The following EFNA5 variants were observed in gnomAD, a reference collection of about 807,000 sequenced individuals.
EFNA5 encodes the protein ephrin-A5.
In EFNA5, 5 loss-of-function variants were observed where a neutral mutation model predicts 22.9. The ratio of observed to expected loss-of-function variants is 0.22; its 90% CI spans 0.11 to 0.46. The LOEUF is 0.46. EFNA5 is among the 20% of genes least tolerant of loss of function. The pLI, the probability that EFNA5 is intolerant of heterozygous loss-of-function variation, is 0.99. For synonymous variants in EFNA5, 113 were observed against 112.2 expected, an observed-to-expected ratio of 1.01 and a Z score of -0.04; for missense variants, 237 against 293.3, an observed-to-expected ratio of 0.81 and a Z score of 1.40.
chr5:107,433,012 T>C (rs1749003920), intron 1 of EFNA5, among the ~76,000 whole-genome samples: 2 of 152,242 alleles, frequency 1.3e-5, no homozygotes, highest in South Asian at 4.1e-4. Context: ...TGAGCTTACT[T>C]GATTATAAGA....
At chr5:107,540,233 C>T (rs1748017054) in intron 1 of EFNA5, among the ~76,000 whole-genome samples, 1 of 151,994 alleles carries the variant, frequency 6.6e-6, no homozygotes, top group South Asian at 2.1e-4. Flanking sequence ...TAATTATGCC[C>T]ATAACTAAAA....
chr5:107,487,554 G>T (rs1407529289), intron 1 of EFNA5, among the ~76,000 whole-genome samples: 1 of 152,234 alleles, frequency 6.6e-6, no homozygotes, highest in African/African-American at 2.4e-5. Context: ...CAGAGTAGAG[G>T]TTTGTTGGAT....
At chr5:107,524,966 A>T (rs1351329318) in intron 1 of EFNA5, among the ~76,000 whole-genome samples, 1 of 152,230 alleles carries the variant, frequency 6.6e-6, no homozygotes, top group Non-Finnish European at 1.5e-5. Context: ...CAGATTAGGC[A>T]TATATGTTTA....
At chr5:107,431,981 T>C (rs1487274761) in intron 1 of EFNA5, among the ~76,000 whole-genome samples, 2 of 152,224 alleles carry the variant, frequency 1.3e-5, no homozygotes, top group African/African-American at 4.8e-5. Flanking sequence ...AGCATATTCT[T>C]GTCCTCCTAA....
intron 1 of EFNA5, among the ~76,000 whole-genome samples, chr5:107,497,686 C>T (rs1747022256): frequency 1.3e-5 from 2 of 152,160 alleles, no homozygotes; most frequent in African/African-American, 4.8e-5. Context: ...CATTACATAA[C>T]ACGCAGGGCA....
intron 2 of EFNA5, among the ~76,000 whole-genome samples, chr5:107,422,378 G>A (rs2112415579): frequency 6.6e-6 from 1 of 152,360 alleles, no homozygotes; most frequent in Non-Finnish European, 1.5e-5. Context: ...AATATATAAT[G>A]TCAGGGATGA....
chr5:107,527,858 G>A (rs1342767538), intron 1 of EFNA5, among the ~76,000 whole-genome samples: 1 of 152,076 alleles, frequency 6.6e-6, no homozygotes, highest in South Asian at 2.1e-4. Flanking sequence ...CAACAACCAC[G>A]TCAGGGAGAA....
chr5:107,630,408 C>G (rs1478066707), intron 1 of EFNA5, among the ~76,000 whole-genome samples: 2 of 152,178 alleles, frequency 1.3e-5, no homozygotes, highest in African/African-American at 4.8e-5. Flanking sequence ...AGTTCCTGTT[C>G]TGAACACTGT....
chr5:107,600,835 G>A (rs747884407), intron 1 of EFNA5, among the ~76,000 whole-genome samples: 2 of 152,046 alleles, frequency 1.3e-5, no homozygotes, highest in Non-Finnish European at 2.9e-5. Flanking sequence ...GTTTAATCTG[G>A]TATCCCATCT....
chr5:107,407,254 C>T lies in EFNA5; in HGVS notation c.419-19483G>A, dbSNP rs957954144. ...TTGCAGTAATGCCGAGTAGGAGCAG[C>T]AGCAGCCCTGATTAGCCCGAAAACG... On this transcript the variant is annotated intron_variant, in intron 2 of 4. Transcript: ENST00000333274. Among the ~76,000 whole-genome samples, 11 of 152,248 alleles carry T rather than the reference C, an allele frequency of 7.2e-5. No homozygotes were observed. In the East Asian group the frequency reaches 2.1e-3, roughly 29 times the overall value.
chr5:107,503,894 C>T (rs1000319628), intron 1 of EFNA5, among the ~76,000 whole-genome samples: 1 of 152,052 alleles, frequency 6.6e-6, no homozygotes, highest in African/African-American at 2.4e-5. Context: ...TTGTATTTTA[C>T]ATCATTCAGT....
chr5:107,384,696 C>T (rs1455337607), intron 4 of EFNA5, among the ~76,000 whole-genome samples: 1 of 151,656 alleles, frequency 6.6e-6, no homozygotes, highest in Non-Finnish European at 1.5e-5. Context: ...ACTGTAGCCT[C>T]GAACTCCTGG....
intron 2 of EFNA5, among the ~76,000 whole-genome samples, chr5:107,413,734 A>C (rs1748431325): frequency 6.6e-6 from 1 of 152,088 alleles, no homozygotes. Flanking sequence ...AAAAACCCTA[A>C]AGGGTTCTAT....
At chr5:107,625,427 G>T (rs1750122474) in intron 1 of EFNA5, among the ~76,000 whole-genome samples, 1 of 151,964 alleles carries the variant, frequency 6.6e-6, no homozygotes. Context: ...AAAATCACCA[G>T]CAGGCAGCAT....
At chr5:107,512,646 T>C (rs191130027) in intron 1 of EFNA5, among the ~76,000 whole-genome samples, 2 of 152,212 alleles carry the variant, frequency 1.3e-5, no homozygotes, top group East Asian at 3.9e-4. Flanking sequence ...CATGGTGTTT[T>C]TGCAAAAGCA....
chr5:107,578,033 G>C lies in EFNA5; in HGVS notation c.125+92456C>G, dbSNP rs116677473. Among the ~76,000 whole-genome samples the C allele has an allele frequency of 2.6e-5, 4 of 152,188 alleles. No homozygotes were observed. The South Asian group carries it at 8.3e-4, about 32-fold the overall frequency. ...ATTTCTCTCGAATTCTCAACTTTTG[G>C]TGAGGCCTCTACTCTCTCGCCAAAC... is the stretch of plus-strand genomic sequence containing the variant. On this transcript the variant is annotated intron_variant, in intron 1 of 4. Transcript: ENST00000333274.
At chr5:107,495,922 T>C (rs1746967890) in intron 1 of EFNA5, among the ~76,000 whole-genome samples, 1 of 152,074 alleles carries the variant, frequency 6.6e-6, no homozygotes, top group African/African-American at 2.4e-5. Flanking sequence ...AGGCAAGCTT[T>C]AGCCACCTCC....
At chr5:107,498,321 C>T (rs780720181) in intron 1 of EFNA5, among the ~76,000 whole-genome samples, 1 of 152,170 alleles carries the variant, frequency 6.6e-6, no homozygotes, top group Non-Finnish European at 1.5e-5. Context: ...AGCTCATACA[C>T]GTATATTTAT....
At chr5:107,548,627 C>T (rs1040711260) in intron 1 of EFNA5, among the ~76,000 whole-genome samples, 4 of 152,200 alleles carry the variant, frequency 2.6e-5, no homozygotes, top group African/African-American at 9.7e-5. Context: ...AAATGTACAG[C>T]TGACGTGAGC....
Sources: gnomAD v4.1 joint callset for allele counts (sites outside exome capture counted in the v4.1 genomes callset) on GRCh38, gnomAD v4.1.1 for gene constraint, MANE v1.5 for transcripts, NCBI Gene and HGNC (gene_info 2026-07-23, HGNC 2026-07-21) for gene names.